The following MKNK1 variants were observed in gnomAD, a reference collection of about 807,000 sequenced individuals.
MKNK1 encodes MAP kinase-interacting serine/threonine-protein kinase 1.
A neutral mutation model predicts 49.3 loss-of-function variants in MKNK1; 30 were observed. That is an observed-to-expected ratio of 0.61 (90% CI 0.46 to 0.83). The LOEUF (loss-of-function observed/expected upper bound fraction) is 0.83. Ranked by LOEUF, MKNK1 falls within the 40% of genes least tolerant of loss-of-function variation. The probability of loss-of-function intolerance (pLI) is 0.00; values close to 1 mark genes in which losing one functional copy is unlikely to be tolerated. For synonymous variants in MKNK1, 176 were observed against 201.7 expected, an observed-to-expected ratio of 0.87 and a Z score of 1.08; for missense variants, 423 against 524.7, an observed-to-expected ratio of 0.81 and a Z score of 1.89.
intron 3 of MKNK1, among the ~76,000 whole-genome samples, chr1:46,582,300 G>A (rs1333575675): frequency 4.6e-5 from 7 of 152,180 alleles, no homozygotes; most frequent in African/African-American, 1.4e-4. Flanking sequence ...TGGTCTTTCA[G>A]TTGTTTATAA....
intron 8 of MKNK1, chr1:46,568,144 C>A: frequency 3.9e-6 from 1 of 254,838 alleles, no homozygotes; most frequent in South Asian, 9.3e-5. Context: ...AAAGTATTTA[C>A]GACTTCCATC....
rs1302259452 is a variant in MKNK1, at chr1:46,585,499, G to T, written c.-2-2170C>A. The T allele has an allele frequency of 7.3e-5, 17 of 233,268 alleles. No individual in the cohort carries two copies. In the South Asian group the frequency reaches 9.8e-4, roughly 13 times the overall value. The allele number at this position is 233,268 out of a possible 1,614,324, so 14.4% of individuals were successfully genotyped here. A position where few individuals can be genotyped will look rare whatever the true frequency, so the allele number is the denominator to read the frequency against. ...TGTCTCTCTCTCTTGCGCTGACCTT[G>T]AATGCAGTCCAGTGGCAACCCGTGT... On this transcript the variant is annotated intron_variant, in intron 2 of 12. Coordinates refer to ENST00000371945, the MANE Select transcript of MKNK1 (RefSeq NM_001135553.4).
At chr1:46,563,252 G>A (rs904624179) in intron 9 of MKNK1, among the ~76,000 whole-genome samples, 4 of 152,188 alleles carry the variant, frequency 2.6e-5, no homozygotes, top group African/African-American at 9.7e-5. Context: ...ATCCTGTCGT[G>A]CTCCCCTGCT....
chr1:46,562,408 A>G (rs1381209935), intron 10 of MKNK1, among the ~76,000 whole-genome samples: 1 of 149,810 alleles, frequency 6.7e-6, no homozygotes, highest in East Asian at 1.9e-4. Context: ...AAAAAAAAAA[A>G]AAAAAAAAAA....
intron 1 of MKNK1, among the ~76,000 whole-genome samples, chr1:46,599,161 G>A (rs539946073): frequency 1.3e-5 from 2 of 152,284 alleles, no homozygotes; most frequent in East Asian, 3.9e-4. Context: ...GCTGCAGGAG[G>A]GAATAATCTG....
At position 46,567,008 on chromosome 1, in the gene MKNK1, A is replaced by G. The variant is rs76713496; in HGVS notation, c.513+1435T>C. ...TTTCTTAAGAGACAGGGGTCTCACT[A>G]TATCACCCAGGCTGGCCTCAAACTC... On this transcript the variant is annotated intron_variant, in intron 8 of 12. Coordinates refer to ENST00000371945, the MANE Select transcript of MKNK1 (RefSeq NM_001135553.4). Among the ~76,000 whole-genome samples, 682 of 152,280 alleles carry G rather than the reference A, an allele frequency of 4.5e-3. 6 individuals are homozygous for G. Among genetic ancestry groups the G allele is most frequent in the African/African-American group, 0.016 (653 of 41,554 alleles).
intron 6 of MKNK1, 54 bp downstream of exon 6, chr1:46,574,893 A>C (rs1389922205): frequency 8.2e-7 from 1 of 1,215,310 alleles, no homozygotes; most frequent in Non-Finnish European, 1.2e-6. Flanking sequence ...ATGATGGATG[A>C]TCACCACCCT....
At chr1:46,579,850 C>T (rs1375868674) in intron 4 of MKNK1, among the ~76,000 whole-genome samples, 1 of 152,122 alleles carries the variant, frequency 6.6e-6, no homozygotes, top group Non-Finnish European at 1.5e-5. Flanking sequence ...TGCCCCAAAA[C>T]TGAGTGCTCA....
In MKNK1 at chr1:46,589,098, C is replaced by T. The variant is rs1460381839; in HGVS notation, c.-3+5015G>A. 2.0e-5 allele frequency among the ~76,000 whole-genome samples: 3 copies of T among 152,232 alleles called. No homozygotes were observed. The highest frequency in any genetic ancestry group is 6.5e-5 in the Admixed American group (1 of 15,282). On this transcript the variant is annotated intron_variant, in intron 2 of 12. Coordinates refer to ENST00000371945, the MANE Select transcript of MKNK1 (RefSeq NM_001135553.4). The surrounding 1 kb of genome is among the most constrained non-coding windows in gnomAD (Gnocchi z 4.3). Reference sequence around the variant, plus strand: ...CTATATTTATTGGGCACCTACTGATCGTCTGGTGCTAGACAGTGAGAGTAT... The same window carrying T: ...CTATATTTATTGGGCACCTACTGATTGTCTGGTGCTAGACAGTGAGAGTAT...
In MKNK1 at chr1:46,562,739, G is replaced by A. The variant is rs1557826901; in HGVS notation, c.714C>T (p.Leu238=). Reference sequence around the variant, plus strand: ...GTGGGTAGCCACTCAGCATGATGTAGAGGACCACGCCCAGGCTCCACAGGT... The same window carrying A: ...GTGGGTAGCCACTCAGCATGATGTAAAGGACCACGCCCAGGCTCCACAGGT... ...RCDLWSLGVV[L]YIMLSGYPPF... Residue 238 remains leucine, a synonymous_variant, in exon 10 of 13, where the codon CTC becomes CTT. Transcript: ENST00000371945. The A allele has an allele frequency of 6.2e-7, 1 of 1,603,490 alleles. No homozygotes were observed. The highest frequency in any genetic ancestry group is 1.1e-5 in the South Asian group (1 of 89,282).
chr1:46,599,883 A>G (rs1674519566), intron 1 of MKNK1, among the ~76,000 whole-genome samples: 1 of 152,232 alleles, frequency 6.6e-6, no homozygotes, highest in South Asian at 2.1e-4. Flanking sequence ...AAAGCAAAGG[A>G]GACACTTTAT....
chr1:46,580,519 G>A lies in MKNK1; in HGVS notation c.198+11C>T. The A allele has an allele frequency of 6.3e-7, 1 of 1,592,254 alleles. No individual in the cohort carries two copies. Among genetic ancestry groups the A allele is most frequent in the South Asian group, 1.1e-5 (1 of 90,700 alleles). On this transcript the variant is annotated intron_variant, in intron 4 of 12. Transcript: ENST00000371945. ...GCAAAGTAAAGCCTGGCATTCAGCTGAGACACTCACTTTGACGGCATACTC... is the reference window on the plus strand; with the variant it reads ...GCAAAGTAAAGCCTGGCATTCAGCTAAGACACTCACTTTGACGGCATACTC...
intron 9 of MKNK1, among the ~76,000 whole-genome samples, chr1:46,564,429 G>C (rs1040572183): frequency 4.0e-5 from 6 of 149,396 alleles, no homozygotes; most frequent in Non-Finnish European, 7.4e-5. Flanking sequence ...TTTTCACCTG[G>C]GTCAGGAGTC....
Position 46,564,785 on chromosome 1 carries a change from T to C in MKNK1, c.609+256A>G, listed in dbSNP as rs375483819. 2.0e-4 allele frequency among the ~76,000 whole-genome samples: 30 copies of C among 152,218 alleles called. No homozygotes were observed. The South Asian group carries it at 5.6e-3, about 28-fold the overall frequency. ...CCATTGCAAACGGCCAGCCTGTGCT[T>C]ATAGATATAATTTGTCTCTTCATCA... is the stretch of plus-strand genomic sequence containing the variant. On this transcript the variant is annotated intron_variant, in intron 9 of 12. Transcript: ENST00000371945.
intron 1 of MKNK1, among the ~76,000 whole-genome samples, chr1:46,599,661 T>C (rs1242670272): frequency 1.3e-5 from 2 of 152,198 alleles, no homozygotes; most frequent in African/African-American, 2.4e-5. Flanking sequence ...GTCAGGGCAT[T>C]TGGAGCCTCT....
chr1:46,573,285 A>G (rs1438149927), intron 6 of MKNK1, among the ~76,000 whole-genome samples: 2 of 152,188 alleles, frequency 1.3e-5, no homozygotes, highest in Admixed American at 6.5e-5. Flanking sequence ...TCTTGAGCCA[A>G]CCACACTGGG....
chr1:46,576,346 T>G, intron 5 of MKNK1: 3 of 480,708 alleles, frequency 6.2e-6, no homozygotes, highest in Non-Finnish European at 7.5e-6. Flanking sequence ...TCTTCTAACT[T>G]GCTTGAATTG....
intron 1 of MKNK1, among the ~76,000 whole-genome samples, chr1:46,596,860 G>A (rs995192391): frequency 1.6e-4 from 25 of 152,160 alleles, no homozygotes; most frequent in Admixed American, 5.2e-4. Flanking sequence ...GCCGCAGGAG[G>A]GAATAAACTG....
intron 10 of MKNK1, 76 bp downstream of exon 10, chr1:46,562,573 C>G: frequency 6.8e-7 from 1 of 1,468,892 alleles, no homozygotes; most frequent in Non-Finnish European, 9.1e-7. Context: ...CTCTCCCAGC[C>G]CAGTCCTGCT....
Sources: allele counts gnomAD v4.1 joint callset (sites outside exome capture counted in the v4.1 genomes callset), GRCh38; gene constraint gnomAD v4.1.1; non-coding constraint Gnocchi (gnomAD v3.1); transcripts MANE v1.5; gene names NCBI Gene and HGNC (gene_info 2026-07-23, HGNC 2026-07-21).